Variants in IFT43 observed in about 807,000 individuals in gnomAD.
The protein encoded by IFT43 is intraflagellar transport 43.
IFT43 carries 33 observed loss-of-function variants against 32.3 expected under a neutral mutation model. The observed-to-expected ratio is 1.02, with a 90% CI of 0.77 to 1.37. IFT43 has a LOEUF of 1.37. Ranked by LOEUF, IFT43 falls within the 40% of genes most tolerant of loss-of-function variation. IFT43 has a pLI of 0.00. For synonymous variants in IFT43, 93 were observed against 98.2 expected (o/e 0.95, Z 0.31); for missense variants, 274 against 265.9 (o/e 1.03, Z -0.21).
At position 76,068,893 on chromosome 14, in the gene IFT43, A is replaced by G. The variant is rs141535490; in HGVS notation, c.295+9520A>G. ...GGACGTGATGATGAGCTGAACATTC[A>G]TTGTCCTTACCCTCATCCAGTTTAC... On this transcript the variant is annotated intron_variant, in intron 5 of 8. Coordinates refer to ENST00000314067, the MANE Select transcript of IFT43 (RefSeq NM_001102564.3). Among the ~76,000 whole-genome samples, 28 of 152,320 alleles carry G rather than the reference A, an allele frequency of 1.8e-4. No homozygotes were observed. The East Asian group carries it at 5.2e-3, about 28-fold the overall frequency.
chr14:75,988,521 TTTTTTG>T (rs962832666), intron 1 of IFT43, among the ~76,000 whole-genome samples: 3 of 152,158 alleles, frequency 2.0e-5, no homozygotes, highest in Non-Finnish European at 2.9e-5. Context: ...TGTCATCTTT[TTTTTTG>T]TTTTGTTTTG....
intron 1 of IFT43, 147 bp downstream of exon 1, chr14:75,985,987 C>T (rs2035515251): frequency 6.5e-7 from 1 of 1,526,812 alleles, no homozygotes; most frequent in Non-Finnish European, 8.8e-7. Context: ...CCTCACCGCC[C>T]CGCCCCCAGG....
intron 2 of IFT43, among the ~76,000 whole-genome samples, chr14:76,005,206 A>C (rs2035959616): frequency 6.6e-6 from 1 of 152,198 alleles, no homozygotes; most frequent in Non-Finnish European, 1.5e-5. Context: ...CTTCCTCTGA[A>C]AAGTGTTTAT....
rs1398652577 is a variant in IFT43, at chr14:75,986,077, C to T, written c.54+237C>T. 2.0e-6 allele frequency: 3 copies of T among 1,483,008 alleles called. No individual in the cohort carries two copies. In the South Asian group the frequency reaches 3.6e-5, roughly 18 times the overall value. The allele number at this position is 1,483,008 out of a possible 1,614,324, so 91.9% of individuals were successfully genotyped here. On this transcript the variant is annotated intron_variant, in intron 1 of 8. Transcript: ENST00000314067. ...GAAAGTAGAAAACACCCTGTCCCCG[C>T]CGGCGTCTAGGACCGTGGGAAATTT...
At chr14:76,070,224 C>T (rs1451208936) in intron 5 of IFT43, among the ~76,000 whole-genome samples, 2 of 152,192 alleles carry the variant, frequency 1.3e-5, no homozygotes, top group African/African-American at 4.8e-5. Flanking sequence ...AGAGGACTGT[C>T]GTCCCCCTGT....
At chr14:75,997,932 A>G (rs1219295446) in intron 2 of IFT43, among the ~76,000 whole-genome samples, 1 of 152,086 alleles carries the variant, frequency 6.6e-6, no homozygotes, top group Non-Finnish European at 1.5e-5. Flanking sequence ...TTTAATGGAT[A>G]CTCGTTGCAC....
chr14:76,058,475 G>T (rs867071789), intron 3 of IFT43, 167 bp from the exon 4 acceptor site: 1 of 682,192 alleles, frequency 1.5e-6, no homozygotes, highest in Non-Finnish European at 2.4e-6. Context: ...AGCATCTTCA[G>T]TTCTCTCATG....
rs116881452 is a variant in IFT43, at chr14:76,082,396, G to A, written c.368+29G>A. ...GGTTAAATCAGATATGATTGGGGAGGCAAAGAACACGTGAATTAATACACT... is the reference window on the plus strand; with the variant it reads ...GGTTAAATCAGATATGATTGGGGAGACAAAGAACACGTGAATTAATACACT... On this transcript the variant is annotated intron_variant, in intron 6 of 8. Transcript: ENST00000314067. The A allele has an allele frequency of 0.022, 30,774 of 1,408,136 alleles. 516 individuals are homozygous for A. Among genetic ancestry groups the A allele is most frequent in the South Asian group, 0.064 (5,532 of 86,830 alleles). The allele number at this position is 1,408,136 out of a possible 1,614,324, so 87.2% of individuals were successfully genotyped here.
At chr14:76,006,742 C>T (rs556143078) in intron 2 of IFT43, among the ~76,000 whole-genome samples, 1 of 152,104 alleles carries the variant, frequency 6.6e-6, no homozygotes, top group Admixed American at 6.5e-5. Context: ...AGCTGTACTG[C>T]CAATCCACAC....
At chr14:75,994,108 T>TC (rs1351987126) in intron 2 of IFT43, among the ~76,000 whole-genome samples, 11 of 152,300 alleles carry the variant, frequency 7.2e-5, no homozygotes, top group Non-Finnish European at 1.5e-4. Context: ...AAGCCCTTTT[T>TC]TTTTTTTGTA....
chr14:76,076,202 AAT>A (rs2037409687), intron 5 of IFT43, among the ~76,000 whole-genome samples: 1 of 152,174 alleles, frequency 6.6e-6, no homozygotes, highest in Non-Finnish European at 1.5e-5. Context: ...TCACTGAGTA[AAT>A]GGAGTGGGGT....
intron 2 of IFT43, among the ~76,000 whole-genome samples, chr14:76,012,228 G>GA (rs1405336428): frequency 1.3e-5 from 2 of 152,166 alleles, no homozygotes. Flanking sequence ...CAGGACTTCT[G>GA]AGAGTGTGTG....
chr14:76,078,097 T>C (rs562015338), intron 5 of IFT43, among the ~76,000 whole-genome samples: 1 of 152,184 alleles, frequency 6.6e-6, no homozygotes, highest in Non-Finnish European at 1.5e-5. Context: ...TGCAGAACAG[T>C]GTCTGTGTAG....
chr14:76,022,263 A>G, intron 2 of IFT43, 64 bp from the exon 3 acceptor site: 6 of 1,442,786 alleles, frequency 4.2e-6, no homozygotes, highest in Middle Eastern at 3.5e-4. Flanking sequence ...AAAATAGAAA[A>G]TAAAAAATAA....
chr14:76,003,593 C>T (rs1192684196), intron 2 of IFT43, among the ~76,000 whole-genome samples: 1 of 151,244 alleles, frequency 6.6e-6, no homozygotes, highest in Non-Finnish European at 1.5e-5. Flanking sequence ...GATCGTGCCA[C>T]TGCACTCCAG....
intron 8 of IFT43, 60 bp from the exon 9 acceptor site, chr14:76,083,398 C>T (rs935280519): frequency 1.2e-6 from 2 of 1,613,896 alleles, no homozygotes; most frequent in African/African-American, 1.3e-5. Flanking sequence ...AGGGAGAAGT[C>T]AGCTACAGTT....
intron 3 of IFT43, among the ~76,000 whole-genome samples, chr14:76,042,258 A>T (rs199569613): frequency 2.2e-5 from 3 of 138,790 alleles, no homozygotes; most frequent in Non-Finnish European, 3.2e-5. Context: ...ACTGAAGAGT[A>T]AAAAAAAAAA....
intron 2 of IFT43, among the ~76,000 whole-genome samples, chr14:76,018,674 T>TG (rs1400851158): frequency 6.6e-6 from 1 of 152,170 alleles, no homozygotes; most frequent in Non-Finnish European, 1.5e-5. Flanking sequence ...ATTATTGTAT[T>TG]GGAGTCTATT....
intron 7 of IFT43, 135 bp from the exon 8 acceptor site, chr14:76,083,092 C>A: frequency 1.1e-6 from 1 of 875,910 alleles, no homozygotes; most frequent in Non-Finnish European, 1.9e-6. Context: ...TGATTTTACT[C>A]TCTTGTGAAG....
Sources: allele counts gnomAD v4.1 joint callset (sites outside exome capture counted in the v4.1 genomes callset), GRCh38; gene constraint gnomAD v4.1.1; transcripts MANE v1.5; gene names NCBI Gene and HGNC (gene_info 2026-07-23, HGNC 2026-07-21).